Variants in IRGC observed in about 807,000 individuals in gnomAD.
The protein encoded by IRGC is immunity related GTPase cinema.
In IRGC, 4 loss-of-function variants were observed where a neutral mutation model predicts 16.1. The observed-to-expected ratio is 0.25, with a 90% CI of 0.12 to 0.57. The LOEUF (loss-of-function observed/expected upper bound fraction) is 0.57. Ranked by LOEUF, IRGC falls within the 20% of genes least tolerant of loss-of-function variation. The pLI, the probability that IRGC is intolerant of heterozygous loss-of-function variation, is 0.92. For missense variants in IRGC, 570 were observed against 643.9 expected (o/e 0.89, Z 1.24); for synonymous variants, 307 against 299.5 (o/e 1.03, Z -0.26).
In IRGC at chr19:43,719,784, C is replaced by A. The variant is rs747940145; in HGVS notation, c.1226C>A (p.Pro409Gln). ...VRIKALEDDE[P>Q]QPEVSLEVAS... ...ATCAAGGCCCTGGAGGATGACGAGC[C>A]GCAGCCGGAGGTCAGCTTGGAAGTG... The change falls in exon 2 of 2, where the codon CCG (proline) becomes CAG (glutamine). Residue 409 changes from proline to glutamine, a missense_variant. Physicochemically the swap from Pro to Gln is moderately conservative, Grantham distance 76. Coordinates refer to ENST00000244314, the MANE Select transcript of IRGC (RefSeq NM_019612.4). 3 of 1,613,874 alleles carry A rather than the reference C, an allele frequency of 1.9e-6. No individual in the cohort carries two copies. The highest frequency in any genetic ancestry group is 3.3e-5 in the Admixed American group (2 of 60,008).
In IRGC at chr19:43,719,483, G is replaced by C; in HGVS notation, c.925G>C (p.Asp309His). The C allele has an allele frequency of 6.2e-7, 1 of 1,603,934 alleles. No individual in the cohort carries two copies. The highest frequency in any genetic ancestry group is 8.5e-7 in the Non-Finnish European group (1 of 1,178,308). ...CTACCACCGCAGCTTTGGTCTGGAC[G>C]ACGACTCGCTGGCCAAGCTGGCCGA... ...RGYHRSFGLD[D>H]DSLAKLAEQV... is the part of the protein sequence containing the mutation. The change falls in exon 2 of 2, where the codon GAC (aspartate) becomes CAC (histidine). Residue 309 changes from aspartate to histidine, a missense_variant. Asp to His is a moderately conservative substitution (Grantham distance 81). Transcript: ENST00000244314.
rs752720322 is a variant in IRGC at position 43,718,495 on chromosome 19, G to A, written c.-64G>A. On this transcript the variant is annotated splice_region_variant and 5_prime_UTR_variant, in exon 2 of 2. Coordinates refer to ENST00000244314, the MANE Select transcript of IRGC (RefSeq NM_019612.4). ...AATGGCTCCCTTCTCCTCTGCAGGC[G>A]CTGAGGATCACGCATCCTGTGACTC... 17 of 1,510,526 alleles carry A rather than the reference G, an allele frequency of 1.1e-5. No homozygotes were observed. Among genetic ancestry groups the A allele is most frequent in the Non-Finnish European group, 1.5e-5 (17 of 1,132,476 alleles). 93.6% of individuals were successfully genotyped at this position (1,510,526 alleles called of 1,614,324 possible). A position where few individuals can be genotyped will look rare whatever the true frequency, so the allele number is the denominator to read the frequency against.
chr19:43,718,341 C>T, intron 1 of IRGC, 152 bp from the exon 2 acceptor site: 1 of 943,320 alleles, frequency 1.1e-6, no homozygotes, highest in South Asian at 2.5e-5. Context: ...CCCCAAAGCC[C>T]TCTAACTTGT....
chr19:43,718,379 G>A, intron 1 of IRGC, 114 bp from the exon 2 acceptor site: 3 of 1,273,836 alleles, frequency 2.4e-6, no homozygotes, highest in Non-Finnish European at 3.0e-6. Flanking sequence ...AATTCTTGAA[G>A]GAAAAAGAGA....
Position 43,719,392 on chromosome 19 carries a change from G to A in IRGC, c.834G>A (p.Gln278=), listed in dbSNP as rs1425040994. The A allele has an allele frequency of 6.2e-7, 1 of 1,609,722 alleles. No homozygotes were observed. The highest frequency in any genetic ancestry group is 8.5e-7 in the Non-Finnish European group (1 of 1,177,306). The change falls in exon 2 of 2, where the codon CAG becomes CAA. Residue 278 remains glutamine (Q), a synonymous_variant. Coordinates refer to ENST00000244314, the MANE Select transcript of IRGC (RefSeq NM_019612.4). ...CCGCCCTGGTGTTGGGCGTCATCCAGGCCCTGCCGGTCCCAGGGCTGGCGG... is the reference window on the plus strand; with the variant it reads ...CCGCCCTGGTGTTGGGCGTCATCCAAGCCCTGCCGGTCCCAGGGCTGGCGG... ...LKTALVLGVI[Q]ALPVPGLAAA...
In IRGC at chr19:43,718,299, C is replaced by A. The variant is rs1415554282; in HGVS notation, c.-66-194C>A. The A allele has an allele frequency of 1.0e-5, 5 of 488,448 alleles. No homozygotes were observed. In the Admixed American group the frequency reaches 1.7e-4, roughly 16 times the overall value. 30.3% of individuals were successfully genotyped at this position (488,448 alleles called of 1,614,324 possible). A position where few individuals can be genotyped will look rare whatever the true frequency, so the allele number is the denominator to read the frequency against. ...CCCTGGTCACACAGCAAGTTAGTGG[C>A]AGAAAAGGGATGTGAACCTGGGCCT... On this transcript the variant is annotated intron_variant, in intron 1 of 1. Coordinates refer to ENST00000244314, the MANE Select transcript of IRGC (RefSeq NM_019612.4).
chr19:43,717,570 G>C (rs1968189760), intron 1 of IRGC, among the ~76,000 whole-genome samples: 1 of 152,170 alleles, frequency 6.6e-6, no homozygotes, highest in African/African-American at 2.4e-5. Context: ...GTGGAGCCAG[G>C]ATTTGATCCC....
At chr19:43,718,023 C>T (rs1968196847) in intron 1 of IRGC, among the ~76,000 whole-genome samples, 2 of 152,156 alleles carry the variant, frequency 1.3e-5, no homozygotes, top group South Asian at 2.1e-4. Flanking sequence ...GAGCCATGAT[C>T]GTAGCACTGT....
intron 1 of IRGC, among the ~76,000 whole-genome samples, chr19:43,717,165 T>A (rs974044596): frequency 3.0e-4 from 46 of 152,142 alleles, no homozygotes; most frequent in African/African-American, 9.6e-4. Context: ...GTGGTCCCCA[T>A]GTCTGGCTTC....
rs2146337078 is a variant in IRGC, at chr19:43,719,327, C to A, written c.769C>A (p.Gln257Lys). 6.2e-7 allele frequency: 1 copy of A among 1,611,372 alleles called. No homozygotes were observed. The highest frequency in any genetic ancestry group is 8.5e-7 in the Non-Finnish European group (1 of 1,178,434). The change falls in exon 2 of 2, where the codon CAG (glutamine) becomes AAG (lysine). Residue 257 changes from glutamine (Q) to lysine (K), a missense_variant. Transcript: ENST00000244314. ...SLPDISLEAL[Q>K]KKKAMLQEQV... The stretch of plus-strand genomic sequence containing the variant: ...CCCCGACATCTCGCTGGAGGCCTTG[C>A]AGAAGAAGAAGGCCATGCTTCAAGA...
chr19:43,717,506 G>A (rs573672476), intron 1 of IRGC, among the ~76,000 whole-genome samples: 1 of 152,320 alleles, frequency 6.6e-6, no homozygotes, highest in African/African-American at 2.4e-5. Context: ...GTTCAGATGA[G>A]GAGAGTGAGG....
In IRGC at chr19:43,719,003, G is replaced by T; in HGVS notation, c.445G>T (p.Glu149Ter). Residue 149 changes from glutamate to a stop codon, truncating the protein, a stop_gained, in exon 2 of 2, where the codon GAG becomes TAG. Coordinates refer to ENST00000244314, the MANE Select transcript of IRGC (RefSeq NM_019612.4). LOFTEE classifies it high-confidence loss of function. Reference sequence around the variant, plus strand: ...CTCCCCCCGCCGCTGCGGGGCCGTCGAGACCCGCCTGGCCGCTGAGATCCT... The same window carrying T: ...CTCCCCCCGCCGCTGCGGGGCCGTCTAGACCCGCCTGGCCGCTGAGATCCT... ...LVSPRRCGAV[E>*]TRLAAEILCQ... The T allele has an allele frequency of 6.2e-7, 1 of 1,612,318 alleles. No homozygotes were observed. The highest frequency in any genetic ancestry group is 8.5e-7 in the Non-Finnish European group (1 of 1,179,650).
intron 1 of IRGC, among the ~76,000 whole-genome samples, chr19:43,717,451 G>T (rs1968188014): frequency 6.6e-6 from 1 of 152,124 alleles, no homozygotes; most frequent in African/African-American, 2.4e-5. Flanking sequence ...AAGTCACAGA[G>T]ATCCTAGGAG....
In IRGC at chr19:43,719,944, G is replaced by C; in HGVS notation, c.1386G>C (p.Glu462Asp). 1 of 1,613,074 alleles carries C rather than the reference G, an allele frequency of 6.2e-7. No individual in the cohort carries two copies. The highest frequency in any genetic ancestry group is 8.5e-7 in the Non-Finnish European group (1 of 1,180,022). Residue 462 changes from glutamate (E) to aspartate (D), a missense_variant, in exon 2 of 2, where the codon GAG becomes GAC. Glu to Asp is a conservative substitution (Grantham distance 45). Coordinates refer to ENST00000244314, the MANE Select transcript of IRGC (RefSeq NM_019612.4). ...LDSWKKHDSE[E>D]K ...GCTGGAAGAAACACGACTCAGAAGA[G>C]AAATAAAGAGTGCAGCCCCGCCCCC...
chr19:43,719,099 C>T lies in IRGC; in HGVS notation c.541C>T (p.Arg181Trp). Reference protein sequence around the residue: ...DEDLAATRTQRPSGFREAAVL... With the variant: ...DEDLAATRTQWPSGFREAAVL... The stretch of plus-strand genomic sequence containing the variant: ...GGACCTGGCGGCCACGCGCACCCAG[C>T]GGCCGTCGGGCTTCAGAGAGGCCGC... The change falls in exon 2 of 2, where the codon CGG (arginine) becomes TGG (tryptophan). Residue 181 changes from arginine (R) to tryptophan (W), a missense_variant. Arg to Trp is a moderately radical substitution (Grantham distance 101). Transcript: ENST00000244314. 1.2e-6 allele frequency: 2 copies of T among 1,609,256 alleles called. No individual in the cohort carries two copies. The highest frequency in any genetic ancestry group is 1.7e-6 in the Non-Finnish European group (2 of 1,177,720).
intron 1 of IRGC, among the ~76,000 whole-genome samples, chr19:43,716,593 C>A (rs1234696087): frequency 6.6e-6 from 1 of 152,212 alleles, no homozygotes; most frequent in Non-Finnish European, 1.5e-5. Context: ...CCACCTCGGC[C>A]TCCCAAAGTG....
rs753316685 is a variant in IRGC at position 43,719,526 on chromosome 19, C to A, written c.968C>A (p.Ala323Glu). Residue 323 changes from alanine (A) to glutamate (E), a missense_variant, in exon 2 of 2, where the codon GCA (alanine) becomes GAA (glutamate). Coordinates refer to ENST00000244314, the MANE Select transcript of IRGC (RefSeq NM_019612.4). ...AKLAEQVGKQ[A>E]GDLRSVIRSP... is the part of the protein sequence containing the mutation. ...CTGGCCGAGCAGGTGGGCAAACAGG[C>A]AGGTGACCTGCGCTCGGTCATCCGC... 6 of 1,603,186 alleles carry A rather than the reference C, an allele frequency of 3.7e-6. No individual in the cohort carries two copies. In the African/African-American group the frequency reaches 4.0e-5, roughly 11 times the overall value.
chr19:43,719,541 C>G lies in IRGC; in HGVS notation c.983C>G (p.Ser328Trp). 2 of 1,602,612 alleles carry G rather than the reference C, an allele frequency of 1.2e-6. No individual in the cohort carries two copies. Among genetic ancestry groups the G allele is most frequent in the Non-Finnish European group, 1.7e-6 (2 of 1,179,764 alleles). Residue 328 changes from serine (S) to tryptophan (W), a missense_variant, in exon 2 of 2, where the codon TCG (serine) becomes TGG (tryptophan). Transcript: ENST00000244314. ...GGCAAACAGGCAGGTGACCTGCGCT[C>G]GGTCATCCGCTCCCCACTGGCCAAC... ...QVGKQAGDLRSVIRSPLANEV... is the reference protein window; with the variant it reads ...QVGKQAGDLRWVIRSPLANEV...
Position 43,719,917 on chromosome 19 carries a change from C to G in IRGC, c.1359C>G (p.Asp453Glu), listed in dbSNP as rs1968247939. The G allele has an allele frequency of 6.2e-7, 1 of 1,613,488 alleles. No individual in the cohort carries two copies. Among genetic ancestry groups the G allele is most frequent in the Admixed American group, 1.7e-5 (1 of 60,000 alleles). The change falls in exon 2 of 2, where the codon GAC (aspartate) becomes GAG (glutamate). Residue 453 changes from aspartate to glutamate, a missense_variant. By Grantham distance (45) the Asp-to-Glu change is conservative. Transcript: ENST00000244314. Reference sequence around the variant, plus strand: ...GCCTCCTTCTTAAGTACATTCTGGACAGCTGGAAGAAACACGACTCAGAAG... The same window carrying G: ...GCCTCCTTCTTAAGTACATTCTGGAGAGCTGGAAGAAACACGACTCAGAAG... The part of the protein sequence containing the change: ...KLGLLLKYIL[D>E]SWKKHDSEEK
Sources: allele counts gnomAD v4.1 joint callset (sites outside exome capture counted in the v4.1 genomes callset), GRCh38; gene constraint gnomAD v4.1.1; transcripts MANE v1.5; gene names NCBI Gene and HGNC (gene_info 2026-07-23, HGNC 2026-07-21).